The following APIP variants were observed in gnomAD, a reference collection of about 807,000 sequenced individuals.
APIP encodes the protein APAF1 interacting protein.
Under a neutral mutation model 32.0 loss-of-function variants are expected in APIP, and 32 were observed. The observed-to-expected ratio is 1.00, with a 90% confidence interval of 0.76 to 1.34. The LOEUF (loss-of-function observed/expected upper bound fraction) is 1.34, where lower values mean the gene tolerates loss of function less well. Among genes scored for constraint, APIP ranks in the 40% most tolerant of loss-of-function variants. The pLI is 0.00. For synonymous variants in APIP, 92 were observed against 94.8 expected, an observed-to-expected ratio of 0.97 and a Z score of 0.17; for missense variants, 247 against 298.6, an observed-to-expected ratio of 0.83 and a Z score of 1.27.
At chr11:34,886,830 G>A (rs1356718190) in intron 5 of APIP, among the ~76,000 whole-genome samples, 1 of 152,110 alleles carries the variant, frequency 6.6e-6, no homozygotes, top group Non-Finnish European at 1.5e-5. Context: ...CATATACCCT[G>A]GGTGTGCAGT....
chr11:34,897,397 A>C (rs1196956856), intron 1 of APIP, among the ~76,000 whole-genome samples: 1 of 152,244 alleles, frequency 6.6e-6, no homozygotes, highest in East Asian at 1.9e-4. Context: ...GACATAATGC[A>C]GTCAGCATGA....
rs753755687 is a variant in APIP at position 34,888,769 on chromosome 11, T to C, written c.308A>G (p.Asn103Ser). 1.0e-5 allele frequency: 16 copies of C among 1,528,834 alleles called. No homozygotes were observed. Among genetic ancestry groups the C allele is most frequent in the South Asian group, 1.3e-5 (1 of 74,248 alleles). The allele number at this position is 1,528,834 out of a possible 1,614,324, so 94.7% of individuals were successfully genotyped here. The change falls in exon 4 of 7, where the codon AAT becomes AGT. Residue 103 changes from asparagine to serine, a missense_variant. Coordinates refer to ENST00000395787, the MANE Select transcript of APIP (RefSeq NM_015957.4). ...CTGCATACCTCTCATTGTGTAAGCA[T>C]TCATGAAAAGAGGAGTACACTGGCT... ...KKSQCTPLFM[N>S]AYTMRGAGAV...
intron 5 of APIP, among the ~76,000 whole-genome samples, chr11:34,884,038 G>A (rs1376256139): frequency 6.6e-6 from 1 of 152,156 alleles, no homozygotes; most frequent in Non-Finnish European, 1.5e-5. Context: ...TTAAAGGTAC[G>A]ACGCTTTCAG....
chr11:34,914,179 T>C (rs1853608025), intron 1 of APIP, among the ~76,000 whole-genome samples: 1 of 152,254 alleles, frequency 6.6e-6, no homozygotes, highest in African/African-American at 2.4e-5. Flanking sequence ...CTTTCCCATC[T>C]AAGTCATATC....
chr11:34,898,785 G>GTTTTTTTTT lies in APIP; in HGVS notation c.58-3676_58-3675insAAAAAAAAA, dbSNP rs1458148861. ...GCGAGCACATAGTATTTCTTTCTTT[G>GTTTTTTTTT]GTTTTTTTTTTTTTTTTTTTTTTTT... On this transcript the variant is annotated intron_variant, in intron 1 of 6. Transcript: ENST00000395787. Among the ~76,000 whole-genome samples, 3 of 92,114 alleles carry GTTTTTTTTT rather than the reference G, an allele frequency of 3.3e-5. 1 individual carries two copies. Among genetic ancestry groups the GTTTTTTTTT allele is most frequent in the African/African-American group, 8.8e-5 (2 of 22,734 alleles). 60.4% of individuals were successfully genotyped at this position (92,114 alleles called of 152,430 possible). A position where few individuals can be genotyped will look rare whatever the true frequency, so the allele number is the denominator to read the frequency against.
At chr11:34,911,535 G>A (rs1853550648) in intron 1 of APIP, among the ~76,000 whole-genome samples, 1 of 152,122 alleles carries the variant, frequency 6.6e-6, no homozygotes, top group Non-Finnish European at 1.5e-5. Flanking sequence ...CAGGCTCACA[G>A]GAAGTTGTTT....
At chr11:34,898,823 G>C (rs1258131413) in intron 1 of APIP, among the ~76,000 whole-genome samples, 1 of 115,476 alleles carries the variant, frequency 8.7e-6, no homozygotes, top group Middle Eastern at 7.0e-3. Context: ...TTTTGAGGCA[G>C]AGTCTCGCTC....
chr11:34,884,849 T>C (rs1001115619), intron 5 of APIP, among the ~76,000 whole-genome samples: 2 of 151,984 alleles, frequency 1.3e-5, no homozygotes, highest in Non-Finnish European at 2.9e-5. Flanking sequence ...TAGTCAGAAA[T>C]ATTTTCAGGA....
intron 2 of APIP, among the ~76,000 whole-genome samples, chr11:34,894,467 C>CAAAAAA (rs57079015): frequency 2.9e-4 from 25 of 85,876 alleles, no homozygotes; most frequent in Non-Finnish European, 4.8e-4. Flanking sequence ...CCAGTCTCTA[C>CAAAAAA]AAAAAAAAAA....
chr11:34,902,935 G>C (rs1038891955), intron 1 of APIP, among the ~76,000 whole-genome samples: 2 of 152,196 alleles, frequency 1.3e-5, no homozygotes, highest in African/African-American at 4.8e-5. Flanking sequence ...TGCCTCAGTG[G>C]CTCTACTGGT....
At chr11:34,893,613 C>CGCTG (rs1853215105) in intron 2 of APIP, among the ~76,000 whole-genome samples, 1 of 152,200 alleles carries the variant, frequency 6.6e-6, no homozygotes, top group Non-Finnish European at 1.5e-5. Context: ...AGAGAGGAGG[C>CGCTG]ACAGATGGAT....
intron 2 of APIP, 164 bp from the exon 3 acceptor site, chr11:34,890,716 C>T (rs1283542288): frequency 1.7e-6 from 1 of 591,752 alleles, no homozygotes; most frequent in African/African-American, 1.9e-5. Flanking sequence ...CAAACTACAT[C>T]AATGCCTTTG....
chr11:34,890,475 ACT>A, intron 3 of APIP, 27 bp downstream of exon 3: 3 of 1,586,112 alleles, frequency 1.9e-6, no homozygotes, highest in Non-Finnish European at 2.6e-6. Context: ...AAGAAAAGAC[ACT>A]GAGGTTAAAG....
In APIP at chr11:34,888,762, G is replaced by A. The variant is rs184899673; in HGVS notation, c.315C>T (p.Tyr105=). 281 of 1,527,946 alleles carry A rather than the reference G, an allele frequency of 1.8e-4. 1 individual carries two copies. The East Asian group carries it at 6.0e-3, about 33-fold the overall frequency. The allele number at this position is 1,527,946 out of a possible 1,614,324, so 94.6% of individuals were successfully genotyped here. A position where few individuals can be genotyped will look rare whatever the true frequency, so the allele number is the denominator to read the frequency against. The change falls in exon 4 of 7, where the codon TAC becomes TAT. Residue 105 remains tyrosine (Y), a synonymous_variant. Transcript: ENST00000395787. ...ATATTTTCTGCATACCTCTCATTGT[G>A]TAAGCATTCATGAAAAGAGGAGTAC... ...SQCTPLFMNA[Y]TMRGAGAVIH...
At chr11:34,889,458 T>C (rs985584827) in intron 3 of APIP, among the ~76,000 whole-genome samples, 3 of 152,138 alleles carry the variant, frequency 2.0e-5, no homozygotes, top group Admixed American at 2.0e-4. Context: ...TAAGAAATTA[T>C]GTAGATCTAC....
At position 34,916,291 on chromosome 11, in the gene APIP, G is replaced by A. The variant is rs746202661; in HGVS notation, c.-7C>T. ...GAGCATCACAGCCAGACATGGCCCAGACCAGGGACCCGCGCGGCCTCCAAT... is the reference window on the plus strand; with the variant it reads ...GAGCATCACAGCCAGACATGGCCCAAACCAGGGACCCGCGCGGCCTCCAAT... On this transcript the variant is annotated 5_prime_UTR_variant, in exon 1 of 7. Transcript: ENST00000395787. 14 of 1,611,976 alleles carry A rather than the reference G, an allele frequency of 8.7e-6. No individual in the cohort carries two copies. The highest frequency in any genetic ancestry group is 1.1e-5 in the Non-Finnish European group (13 of 1,179,294).
At chr11:34,896,706 G>C (rs1853278210) in intron 1 of APIP, 1 of 1,152,460 alleles carries the variant, frequency 8.7e-7, no homozygotes, top group African/African-American at 1.6e-5. Flanking sequence ...ACGTATCCCA[G>C]AACTTAAAAG....
chr11:34,905,607 G>T (rs539147905), intron 1 of APIP, among the ~76,000 whole-genome samples: 5 of 152,270 alleles, frequency 3.3e-5, no homozygotes, highest in Admixed American at 6.5e-5. Flanking sequence ...CTCAAATATT[G>T]TAACATCATA....
chr11:34,885,073 A>T (rs1194203816), intron 5 of APIP, among the ~76,000 whole-genome samples: 2 of 137,408 alleles, frequency 1.5e-5, no homozygotes, highest in Non-Finnish European at 3.4e-5. Context: ...TGTATACATT[A>T]TACAACTATA....
Sources: gnomAD v4.1 joint callset for allele counts (sites outside exome capture counted in the v4.1 genomes callset) on GRCh38, gnomAD v4.1.1 for gene constraint, MANE v1.5 for transcripts, NCBI Gene and HGNC (gene_info 2026-07-23, HGNC 2026-07-21) for gene names.